Variants in KDM4A observed in about 807,000 individuals in gnomAD.
KDM4A encodes the protein lysine-specific demethylase 4A.
A neutral mutation model predicts 127.1 loss-of-function variants in KDM4A; 23 were observed. That is an observed-to-expected ratio of 0.18 (90% CI 0.13 to 0.26). KDM4A has a LOEUF of 0.26. Ranked by LOEUF, KDM4A falls within the 10% of genes least tolerant of loss-of-function variation. The probability of loss-of-function intolerance (pLI) is 1.00; values close to 1 mark genes in which losing one functional copy is unlikely to be tolerated. For synonymous variants in KDM4A, 443 were observed against 466.5 expected (o/e 0.95, Z 0.65); for missense variants, 890 against 1,329.1 (o/e 0.67, Z 5.14).
intron 19 of KDM4A, chr1:43,703,299 C>G: frequency 4.2e-6 from 1 of 238,086 alleles, no homozygotes; most frequent in Non-Finnish European, 8.3e-6. Flanking sequence ...ATGGCAGAGC[C>G]CTGGAGAACC....
chr1:43,668,538 T>C (rs1480884570), intron 9 of KDM4A, among the ~76,000 whole-genome samples: 1 of 152,126 alleles, frequency 6.6e-6, no homozygotes, highest in Non-Finnish European at 1.5e-5. Flanking sequence ...AGACCTGTAG[T>C]GGGCGTGTAG....
chr1:43,698,927 T>A (rs1661311392), intron 19 of KDM4A, among the ~76,000 whole-genome samples: 1 of 152,014 alleles, frequency 6.6e-6, no homozygotes, highest in Non-Finnish European at 1.5e-5. Context: ...TAGCTGGGAC[T>A]ACAGGAACGC....
intron 5 of KDM4A, among the ~76,000 whole-genome samples, chr1:43,663,804 T>G (rs1162947299): frequency 1.3e-5 from 2 of 151,568 alleles, no homozygotes; most frequent in African/African-American, 4.8e-5. Flanking sequence ...TTTTCCTTCT[T>G]TTTTTTTAGG....
intron 8 of KDM4A, 111 bp downstream of exon 8, chr1:43,667,202 C>T (rs1477240106): frequency 4.1e-6 from 5 of 1,222,470 alleles, no homozygotes; most frequent in Non-Finnish European, 5.9e-6. Context: ...AATTCAGAAA[C>T]AAGCAGCTAG....
At chr1:43,667,176 T>C (rs1660517949) in intron 8 of KDM4A, 85 bp downstream of exon 8, 1 of 1,438,214 alleles carries the variant, frequency 7.0e-7, no homozygotes, top group Non-Finnish European at 9.7e-7. Flanking sequence ...ATTAGAGTAT[T>C]TCTTTGAGCT....
chr1:43,697,339 G>A (rs1281873938), intron 18 of KDM4A, among the ~76,000 whole-genome samples: 1 of 152,238 alleles, frequency 6.6e-6, no homozygotes, highest in Non-Finnish European at 1.5e-5. Context: ...GATGGCAATG[G>A]CAGGGCCCTT....
chr1:43,659,943 A>G (rs534678650), intron 3 of KDM4A, among the ~76,000 whole-genome samples: 2 of 152,072 alleles, frequency 1.3e-5, no homozygotes, highest in Non-Finnish European at 2.9e-5. Context: ...GTCTGTGGAT[A>G]TGTAGGGACC....
At position 43,690,881 on chromosome 1, in the gene KDM4A, G is replaced by A. The variant is rs745551947; in HGVS notation, c.2074G>A (p.Ala692Thr). ...FGGFNQNCGN[A>T]SDLAPQKQRT... ...AGGCTTTAATCAGAACTGTGGAAATGCTTCAGATTTAGCCCCCCAGAAGCA... is the reference window on the plus strand; with the variant it reads ...AGGCTTTAATCAGAACTGTGGAAATACTTCAGATTTAGCCCCCCAGAAGCA... Residue 692 changes from alanine (A) to threonine (T), a missense_variant, in exon 14 of 22, where the codon GCT becomes ACT. By Grantham distance (58) the Ala-to-Thr change is moderately conservative (BLOSUM62 0). Transcript: ENST00000372396. 10 of 1,614,064 alleles carry A rather than the reference G, an allele frequency of 6.2e-6. No individual in the cohort carries two copies. The highest frequency in any genetic ancestry group is 1.3e-5 in the African/African-American group (1 of 74,924).
At chr1:43,654,195 T>C (rs1391824045) in intron 2 of KDM4A, among the ~76,000 whole-genome samples, 3 of 152,240 alleles carry the variant, frequency 2.0e-5, no homozygotes, top group African/African-American at 4.8e-5. Context: ...ACATTGCTTT[T>C]TTTGGTTGTA....
rs1414321318 is a variant in KDM4A at position 43,694,517 on chromosome 1, A to G, written c.2485-192A>G. ...GGTGACAGAGCAAGACTCCGTCTCA[A>G]AAAAAAAAAAAAAAAAATTTCCTTG... On this transcript the variant is annotated intron_variant, in intron 17 of 21. Transcript: ENST00000372396. This position sits in a 1 kb window ranked among gnomAD's most constrained non-coding sequence, Gnocchi z 5.2. Among the ~76,000 whole-genome samples the G allele has an allele frequency of 1.3e-5, 1 of 77,574 alleles. No homozygotes were observed. The highest frequency in any genetic ancestry group is 3.1e-5 in the Non-Finnish European group (1 of 32,670). The allele number at this position is 77,574 out of a possible 152,430, so 50.9% of individuals were successfully genotyped here. A position where few individuals can be genotyped will look rare whatever the true frequency, so the allele number is the denominator to read the frequency against.
intron 19 of KDM4A, among the ~76,000 whole-genome samples, chr1:43,698,963 A>T (rs1176433395): frequency 6.6e-6 from 1 of 151,712 alleles, no homozygotes; most frequent in Non-Finnish European, 1.5e-5. Context: ...TAATTTTTTA[A>T]TTTTTTGTAG....
At chr1:43,695,018 GAGTTAAGAGATTGAGAGGTGGCCC>G in intron 18 of KDM4A, 124 bp downstream of exon 18, 1 of 961,472 alleles carries the variant, frequency 1.0e-6, no homozygotes, top group South Asian at 1.7e-5. Context: ...GAGTGCTAAT[GAGTTAAGAGATTGAGAGGTGGCCC>G]CTGTCCATCT....
At chr1:43,660,238 T>C in intron 3 of KDM4A, 60 bp from the exon 4 acceptor site, 1 of 1,538,762 alleles carries the variant, frequency 6.5e-7, no homozygotes, top group South Asian at 1.1e-5. Flanking sequence ...TCTTGTAATG[T>C]TCATAATGCC....
At chr1:43,671,473 T>C (rs753694911) in intron 10 of KDM4A, 32 bp from the exon 11 acceptor site, 2 of 1,505,926 alleles carry the variant, frequency 1.3e-6, no homozygotes, top group African/African-American at 1.4e-5. Context: ...CAGGAGGAAC[T>C]TGGCTCTGTC....
In KDM4A at chr1:43,667,006, C is replaced by T. The variant is rs1660514013; in HGVS notation, c.830C>T (p.Ala277Val). Reference sequence around the variant, plus strand: ...ATCACTTTCCCTTATGGTTACCATGCCGGCTTTAACCATGGTTTTAACTGT... The same window carrying T: ...ATCACTTTCCCTTATGGTTACCATGTCGGCTTTAACCATGGTTTTAACTGT... ...FMITFPYGYHAGFNHGFNCAE... is the reference protein window; with the variant it reads ...FMITFPYGYHVGFNHGFNCAE... Residue 277 changes from alanine to valine, a missense_variant, in exon 8 of 22, where the codon GCC becomes GTC. Around this residue, in one of 7 missense-constraint regions of KDM4A, gnomAD observed 141 missense variants for 273.5 expected, o/e 0.52. Coordinates refer to ENST00000372396, the MANE Select transcript of KDM4A (RefSeq NM_014663.3). 1.2e-6 allele frequency: 2 copies of T among 1,613,876 alleles called. No homozygotes were observed. The highest frequency in any genetic ancestry group is 1.3e-5 in the African/African-American group (1 of 74,900).
chr1:43,663,150 G>A (rs2154046864), intron 5 of KDM4A, 63 bp downstream of exon 5: 1 of 1,432,772 alleles, frequency 7.0e-7, no homozygotes, highest in Non-Finnish European at 9.6e-7. Context: ...TGTTCATTGT[G>A]CGTGGGAAGC....
chr1:43,691,931 C>G (rs745374350), intron 15 of KDM4A, among the ~76,000 whole-genome samples: 2 of 152,304 alleles, frequency 1.3e-5, no homozygotes, highest in Admixed American at 1.3e-4. Flanking sequence ...CCTGGCTGTA[C>G]CTAGCCCATA....
At position 43,693,915 on chromosome 1, in the gene KDM4A, C is replaced by T. The variant is rs989815114; in HGVS notation, c.2376-79C>T. The stretch of plus-strand genomic sequence containing the variant: ...GTGGTCACCCAGGTGAGGGAGGAAG[C>T]GCTGTCAGCAGGCCCAAAAGAGAAG... On this transcript the variant is annotated intron_variant, in intron 16 of 21. Transcript: ENST00000372396. This position sits in a 1 kb window ranked among gnomAD's most constrained non-coding sequence, Gnocchi z 4.2. 1.9e-5 allele frequency: 21 copies of T among 1,134,764 alleles called. No individual in the cohort carries two copies. Among genetic ancestry groups the T allele is most frequent in the African/African-American group, 7.7e-5 (5 of 65,302 alleles). The allele number at this position is 1,134,764 out of a possible 1,614,324, so 70.3% of individuals were successfully genotyped here. A position where few individuals can be genotyped will look rare whatever the true frequency, so the allele number is the denominator to read the frequency against.
chr1:43,651,970 A>G lies in KDM4A; in HGVS notation c.-39-1167A>G, dbSNP rs184867612. Among the ~76,000 whole-genome samples, 438 of 152,374 alleles carry G rather than the reference A, an allele frequency of 2.9e-3. 4 individuals carry two copies. The highest frequency in any genetic ancestry group is 0.01 in the African/African-American group (427 of 41,592). On this transcript the variant is annotated intron_variant, in intron 1 of 21. Transcript: ENST00000372396. ...ACTGCTGAAACTGCATCTTAGTTTC[A>G]ACAGAACAGTTTCACTTTAGGGTTT...
Sources: gnomAD v4.1 joint callset for allele counts (sites outside exome capture counted in the v4.1 genomes callset) on GRCh38, gnomAD v4.1.1 for gene constraint, gnomAD v4.1.1 regional missense constraint, Gnocchi (gnomAD v3.1) non-coding constraint, MANE v1.5 for transcripts, NCBI Gene and HGNC (gene_info 2026-07-23, HGNC 2026-07-21) for gene names.